Variants in LARGE1 observed in about 807,000 individuals in gnomAD.
LARGE1 encodes the protein xylosyl- and glucuronyltransferase LARGE1.
A neutral mutation model predicts 87.6 loss-of-function variants in LARGE1; 43 were observed. That is an observed-to-expected ratio of 0.49 (90% CI 0.38 to 0.63). LARGE1 has a LOEUF of 0.63. Among genes scored for constraint, LARGE1 ranks in the 30% least tolerant of loss-of-function variants. LARGE1 has a pLI of 0.00. For missense variants in LARGE1, 802 were observed against 1,000.2 expected, an observed-to-expected ratio of 0.80 and a Z score of 2.67; for synonymous variants, 434 against 394.6, an observed-to-expected ratio of 1.10 and a Z score of -1.18.
chr22:33,398,432 T>C (rs950856624), intron 7 of LARGE1, among the ~76,000 whole-genome samples: 2 of 152,206 alleles, frequency 1.3e-5, no homozygotes, highest in African/African-American at 2.4e-5. Flanking sequence ...TGCTTCTCTA[T>C]AGTCAATCTG....
intron 1 of LARGE1, among the ~76,000 whole-genome samples, chr22:33,885,598 T>G (rs888316435): frequency 1.3e-5 from 2 of 152,250 alleles, no homozygotes; most frequent in African/African-American, 4.8e-5. Flanking sequence ...GTTATAATTA[T>G]AATGAAATCT....
chr22:33,280,215 C>T (rs1930153366), intron 13 of LARGE1, among the ~76,000 whole-genome samples: 1 of 141,800 alleles, frequency 7.1e-6, no homozygotes, highest in Non-Finnish European at 1.5e-5. Flanking sequence ...CTTCTCTTGG[C>T]AAAACGGACA....
At chr22:33,342,823 A>C (rs1328447713) in intron 9 of LARGE1, among the ~76,000 whole-genome samples, 1 of 152,168 alleles carries the variant, frequency 6.6e-6, no homozygotes, top group Non-Finnish European at 1.5e-5. Flanking sequence ...TTAGGCAAGC[A>C]AAGGCGGTTC....
At chr22:33,201,075 G>A (rs558493834) in intron 11 of LARGE1, among the ~76,000 whole-genome samples, 49 of 152,240 alleles carry the variant, frequency 3.2e-4, no homozygotes, top group African/African-American at 1.1e-3. Context: ...TTGGGAGGCC[G>A]AGGCTGGGGG....
At chr22:33,734,414 G>A (rs1193726208) in intron 2 of LARGE1, among the ~76,000 whole-genome samples, 2 of 152,160 alleles carry the variant, frequency 1.3e-5, no homozygotes, top group Non-Finnish European at 2.9e-5. Context: ...GGAGACCATG[G>A]GATGGGGGAG....
intron 7 of LARGE1, among the ~76,000 whole-genome samples, chr22:33,406,520 CCTCA>C (rs1167515333): frequency 2.6e-5 from 4 of 152,106 alleles, no homozygotes; most frequent in Admixed American, 1.3e-4. Context: ...ACGCACACAC[CCTCA>C]CTGTTTGTCT....
intron 6 of LARGE1, among the ~76,000 whole-genome samples, chr22:33,550,623 G>A (rs900842656): frequency 6.6e-6 from 1 of 152,138 alleles, no homozygotes; most frequent in African/African-American, 2.4e-5. Flanking sequence ...TAAATTAGAA[G>A]AAAACAGTAT....
At chr22:33,556,623 G>A (rs2077698658) in intron 6 of LARGE1, among the ~76,000 whole-genome samples, 1 of 149,332 alleles carries the variant, frequency 6.7e-6, no homozygotes, top group Non-Finnish European at 1.5e-5. Context: ...AAGGAGGGAA[G>A]GAGGGAGAAA....
chr22:33,665,090 C>A lies in LARGE1; in HGVS notation c.107-14422G>T, dbSNP rs112852300. ...GCTTCTACACTTGCTGTTGCCTCTTCCCTCGTTCATTAGGAATCTGCTTAA... is the reference window on the plus strand; with the variant it reads ...GCTTCTACACTTGCTGTTGCCTCTTACCTCGTTCATTAGGAATCTGCTTAA... On this transcript the variant is annotated intron_variant, in intron 2 of 14. Coordinates refer to ENST00000397394, the MANE Select transcript of LARGE1 (RefSeq NM_133642.5). Among the ~76,000 whole-genome samples, 492 of 152,302 alleles carry A rather than the reference C, an allele frequency of 3.2e-3. 2 individuals carry two copies. Among genetic ancestry groups the A allele is most frequent in the African/African-American group, 0.011 (472 of 41,554 alleles).
At chr22:33,395,081 T>C (rs1266573902) in intron 7 of LARGE1, among the ~76,000 whole-genome samples, 1 of 151,792 alleles carries the variant, frequency 6.6e-6, no homozygotes, top group Non-Finnish European at 1.5e-5. Context: ...ACAAAAAAAT[T>C]AGCCGGGCGT....
intron 5 of LARGE1, among the ~76,000 whole-genome samples, chr22:33,600,675 G>C (rs1165506473): frequency 6.6e-6 from 1 of 152,172 alleles, no homozygotes; most frequent in Non-Finnish European, 1.5e-5. Flanking sequence ...TGGAGAGTGA[G>C]GAAGGACGCA....
At chr22:33,749,482 G>A (rs2084230606) in intron 2 of LARGE1, among the ~76,000 whole-genome samples, 1 of 152,180 alleles carries the variant, frequency 6.6e-6, no homozygotes, top group Non-Finnish European at 1.5e-5. Context: ...ATTTCACTCT[G>A]TGATTTAAAT....
intron 1 of LARGE1, among the ~76,000 whole-genome samples, chr22:33,904,636 G>C (rs371387339): frequency 6.6e-6 from 1 of 152,158 alleles, no homozygotes; most frequent in African/African-American, 2.4e-5. Flanking sequence ...GACGCTGTTC[G>C]AGGACTTAGA....
chr22:33,618,841 T>C (rs572388973), intron 4 of LARGE1, among the ~76,000 whole-genome samples: 3 of 152,366 alleles, frequency 2.0e-5, no homozygotes, highest in Non-Finnish European at 2.9e-5. Flanking sequence ...TTTCCCCTAA[T>C]TAATCCACAT....
chr22:33,108,985 C>T, the LARGE1 span: 1 of 152,116 alleles, frequency 6.6e-6, no homozygotes, highest in African/African-American at 2.4e-5. Context: ...ATAAAAGTGT[C>T]AAGCTGATGA....
At chr22:33,073,383 A>G in the LARGE1 span, among the ~76,000 whole-genome samples, 1 of 152,200 alleles carries the variant, frequency 6.6e-6, no homozygotes, top group Non-Finnish European at 1.5e-5. Flanking sequence ...CTGAATATTA[A>G]AAATCATATT....
chr22:33,466,344 GT>G (rs111661215), intron 6 of LARGE1, among the ~76,000 whole-genome samples: 16 of 147,998 alleles, frequency 1.1e-4, no homozygotes, highest in Non-Finnish European at 1.0e-4. Flanking sequence ...GCCCATCACT[GT>G]TTTTTTTTCT....
intron 6 of LARGE1, among the ~76,000 whole-genome samples, chr22:33,508,340 T>A (rs942648262): frequency 6.6e-6 from 1 of 152,196 alleles, no homozygotes; most frequent in Non-Finnish European, 1.5e-5. Flanking sequence ...AAGGAGCACA[T>A]GGATCAAAGG....
Position 33,276,306 on chromosome 22 carries a change from G to A in LARGE1, c.2073+754C>T, listed in dbSNP as rs192329224. 2.6e-5 allele frequency among the ~76,000 whole-genome samples: 4 copies of A among 152,140 alleles called. No homozygotes were observed. In the East Asian group the frequency reaches 7.7e-4, roughly 29 times the overall value. On this transcript the variant is annotated intron_variant, in intron 14 of 14. Coordinates refer to ENST00000397394, the MANE Select transcript of LARGE1 (RefSeq NM_133642.5). ...TTGCTTTTGTTTGTTTAACACAGGG[G>A]CTGAAAAATTGAAGCATGTCTGGTC...
Sources: gnomAD v4.1 joint callset for allele counts (sites outside exome capture counted in the v4.1 genomes callset) on GRCh38, gnomAD v4.1.1 for gene constraint, MANE v1.5 for transcripts, NCBI Gene and HGNC (gene_info 2026-07-23, HGNC 2026-07-21) for gene names.